ANO10: variants seen among roughly 807,000 people sequenced by gnomAD.
The protein encoded by ANO10 is anoctamin 10.
A neutral mutation model predicts 74.7 loss-of-function variants in ANO10; 77 were observed. That is an observed-to-expected ratio of 1.03 (90% CI 0.86 to 1.25). The LOEUF (loss-of-function observed/expected upper bound fraction) is 1.25, where lower values mean the gene tolerates loss of function less well. Ranked by LOEUF, ANO10 falls within the 50% of genes most tolerant of loss-of-function variation. The pLI is 0.00. For synonymous variants in ANO10, 279 were observed against 284.9 expected, an observed-to-expected ratio of 0.98 and a Z score of 0.21; for missense variants, 721 against 778.1, an observed-to-expected ratio of 0.93 and a Z score of 0.87.
chr3:43,430,344 G>A (rs1199743212), intron 12 of ANO10, among the ~76,000 whole-genome samples: 1 of 147,240 alleles, frequency 6.8e-6, no homozygotes, highest in Non-Finnish European at 1.5e-5. Flanking sequence ...TGGGTTTTGT[G>A]TCTTGATTAG....
intron 12 of ANO10, among the ~76,000 whole-genome samples, chr3:43,407,774 G>A (rs577332175): frequency 3.0e-4 from 46 of 152,316 alleles, no homozygotes; most frequent in Middle Eastern, 3.4e-3. Flanking sequence ...GAGGAAAAGT[G>A]GACAACAGGG....
intron 12 of ANO10, among the ~76,000 whole-genome samples, chr3:43,412,910 G>C (rs2092687071): frequency 6.6e-6 from 1 of 152,130 alleles, no homozygotes; most frequent in Non-Finnish European, 1.5e-5. Flanking sequence ...AATTAGCCAG[G>C]CATGGTGGCA....
intron 1 of ANO10, chr3:43,637,521 C>T (rs2083626667): frequency 6.6e-6 from 1 of 151,862 alleles, no homozygotes; most frequent in African/African-American, 2.4e-5. Flanking sequence ...ACAATAGCAT[C>T]ACGGAGAATT....
intron 11 of ANO10, among the ~76,000 whole-genome samples, chr3:43,435,581 C>A (rs2093054710): frequency 6.6e-6 from 1 of 151,570 alleles, no homozygotes; most frequent in African/African-American, 2.4e-5. Context: ...GTGGAAAGTA[C>A]TTATGCAGGG....
chr3:43,654,090 A>G (rs962095061), intron 1 of ANO10, among the ~76,000 whole-genome samples: 2 of 152,114 alleles, frequency 1.3e-5, no homozygotes, highest in African/African-American at 4.8e-5. Context: ...AGCCAGAGCC[A>G]CCAGCTCTGA....
At chr3:43,510,462 T>TAC (rs1218992062) in intron 11 of ANO10, among the ~76,000 whole-genome samples, 1 of 141,788 alleles carries the variant, frequency 7.1e-6, no homozygotes, top group African/African-American at 2.6e-5. Flanking sequence ...TAAACACAAA[T>TAC]ACACACACAC....
intron 11 of ANO10, among the ~76,000 whole-genome samples, chr3:43,472,152 T>C (rs2075880834): frequency 3.3e-5 from 5 of 152,192 alleles, no homozygotes; most frequent in Admixed American, 2.6e-4. Context: ...AGAGCCTATG[T>C]ACTATATGAT....
At chr3:43,560,672 CAAATATTA>C (rs1230361054) in intron 9 of ANO10, among the ~76,000 whole-genome samples, 1 of 152,176 alleles carries the variant, frequency 6.6e-6, no homozygotes, top group African/African-American at 2.4e-5. Flanking sequence ...CTAGACCTTT[CAAATATTA>C]AAAGTGTAAA....
intron 1 of ANO10, chr3:43,636,492 T>G (rs2083612530): frequency 6.6e-6 from 1 of 152,242 alleles, no homozygotes; most frequent in Non-Finnish European, 1.5e-5. Context: ...GAGAGAGTCT[T>G]TTGGCTCATA....
intron 1 of ANO10, among the ~76,000 whole-genome samples, chr3:43,679,184 T>C (rs1177032601): frequency 1.3e-5 from 2 of 152,284 alleles, no homozygotes; most frequent in Middle Eastern, 3.4e-3. Context: ...GGAATTCCCT[T>C]TCCTAGTCAA....
rs562739918 is a variant in ANO10 at position 43,415,533 on chromosome 3, C to CTT, written c.1914+17076_1914+17077dup. 3.7e-4 allele frequency among the ~76,000 whole-genome samples: 55 copies of CTT among 149,684 alleles called. No individual in the cohort carries two copies. In the East Asian group the frequency reaches 6.6e-3, roughly 18 times the overall value. On this transcript the variant is annotated intron_variant, in intron 12 of 12. Transcript: ENST00000292246. The stretch of plus-strand genomic sequence containing the variant: ...ATAAAAATGACAGTTCTTATTTTTT[C>CTT]TTTCTTTCTTTCTTTTTTTTTTGAG...
chr3:43,679,303 T>G (rs1329089494), intron 1 of ANO10, among the ~76,000 whole-genome samples: 5 of 152,220 alleles, frequency 3.3e-5, no homozygotes, highest in African/African-American at 1.2e-4. Context: ...ATCCCGTGCA[T>G]GGCTCGGAGG....
At chr3:43,536,206 C>A (rs1386000562) in intron 11 of ANO10, among the ~76,000 whole-genome samples, 4 of 152,114 alleles carry the variant, frequency 2.6e-5, no homozygotes. Flanking sequence ...GAAATTATTT[C>A]TTTAAAAAGT....
At chr3:43,591,362 G>T (rs920819499) in intron 4 of ANO10, among the ~76,000 whole-genome samples, 1 of 152,122 alleles carries the variant, frequency 6.6e-6, no homozygotes, top group Admixed American at 6.5e-5. Flanking sequence ...CATCCTAATG[G>T]AGCTGAACAC....
rs151291185 is a variant in ANO10, at chr3:43,367,293, C to T, written c.1915-319G>A. 1.1e-3 allele frequency among the ~76,000 whole-genome samples: 171 copies of T among 152,322 alleles called. 1 individual carries two copies. Among genetic ancestry groups the T allele is most frequent in the African/African-American group, 3.8e-3 (158 of 41,576 alleles). On this transcript the variant is annotated intron_variant, in intron 12 of 12. Transcript: ENST00000292246. ...TAGGCGGACAGGGCCTGAGAGAGGACGGGGCACAGGCTTGGGACCAAGTGC... is the reference window on the plus strand; with the variant it reads ...TAGGCGGACAGGGCCTGAGAGAGGATGGGGCACAGGCTTGGGACCAAGTGC...
At chr3:43,368,923 T>C (rs2091506775) in intron 12 of ANO10, among the ~76,000 whole-genome samples, 1 of 152,232 alleles carries the variant, frequency 6.6e-6, no homozygotes, top group African/African-American at 2.4e-5. Flanking sequence ...CACATTTCCC[T>C]GGCATTCCAC....
chr3:43,425,200 C>CTT (rs74270681), intron 12 of ANO10, among the ~76,000 whole-genome samples: 28 of 131,056 alleles, frequency 2.1e-4, no homozygotes, highest in African/African-American at 4.8e-4. Flanking sequence ...TTTACTGTAA[C>CTT]TTTTTTTTTT....
At chr3:43,530,597 G>A (rs2078418260) in intron 11 of ANO10, among the ~76,000 whole-genome samples, 3 of 151,896 alleles carry the variant, frequency 2.0e-5, no homozygotes, top group African/African-American at 7.2e-5. Context: ...AGTATTTTGA[G>A]AGACAGAGAA....
At chr3:43,440,948 G>A (rs2093149814) in intron 11 of ANO10, among the ~76,000 whole-genome samples, 1 of 151,850 alleles carries the variant, frequency 6.6e-6, no homozygotes, top group Non-Finnish European at 1.5e-5. Flanking sequence ...AACAACCAAT[G>A]AGTCAAAAAA....
Sources: allele counts gnomAD v4.1 joint callset (sites outside exome capture counted in the v4.1 genomes callset), GRCh38; gene constraint gnomAD v4.1.1; transcripts MANE v1.5; gene names NCBI Gene and HGNC (gene_info 2026-07-23, HGNC 2026-07-21).